ATP7B: variants seen among roughly 807,000 people sequenced by gnomAD.
The protein encoded by ATP7B is ATPase copper transporting beta.
Under a neutral mutation model 118.9 loss-of-function variants are expected in ATP7B, and 113 were observed. The ratio of observed to expected loss-of-function variants is 0.95; its 90% CI spans 0.82 to 1.11. ATP7B has a LOEUF of 1.11. Among genes scored for constraint, ATP7B ranks in the 50% most tolerant of loss-of-function variants. The pLI is 0.00. For synonymous variants in ATP7B, 777 were observed against 727.4 expected (o/e 1.07, Z -1.10); for missense variants, 1,867 against 1,871.4 (o/e 1.00, Z 0.04).
intron 9 of ATP7B, among the ~76,000 whole-genome samples, chr13:51,953,863 A>C (rs1330956724): frequency 2.0e-5 from 3 of 151,186 alleles, no homozygotes; most frequent in Non-Finnish European, 4.4e-5. Context: ...AAAAAAAAAA[A>C]AAAAACCAGA....
rs1952000210 is a variant in ATP7B, at chr13:51,974,367, C to T, written c.853G>A (p.Val285Ile). The T allele has an allele frequency of 6.2e-7, 1 of 1,613,830 alleles. No individual in the cohort carries two copies. Among genetic ancestry groups the T allele is most frequent in the African/African-American group, 1.3e-5 (1 of 74,898 alleles). ...TCCAAGGACACTTGAATACTTTGAA[C>T]CCCTAGGAGCTGGCCAATATTTTCT... ...IEENIGQLLGVQSIQVSLENK... is the reference protein window; with the variant it reads ...IEENIGQLLGIQSIQVSLENK... Residue 285 changes from valine to isoleucine, a missense_variant, in exon 2 of 21, where the codon GTT (valine) becomes ATT (isoleucine). Coordinates refer to ENST00000242839, the MANE Select transcript of ATP7B (RefSeq NM_000053.4).
At chr13:51,950,604 C>T (rs1957938142) in intron 9 of ATP7B, among the ~76,000 whole-genome samples, 3 of 152,276 alleles carry the variant, frequency 2.0e-5, no homozygotes, top group East Asian at 1.9e-4. Context: ...GTGAATGGCA[C>T]AGCAAAGGCC....
At chr13:51,988,377 G>C (rs374853564) in intron 1 of ATP7B, among the ~76,000 whole-genome samples, 6 of 152,182 alleles carry the variant, frequency 3.9e-5, no homozygotes, top group South Asian at 4.2e-4. Flanking sequence ...TGCCAGTTAG[G>C]ATGGCAATCA....
At chr13:51,982,113 T>A (rs75170539) in intron 1 of ATP7B, among the ~76,000 whole-genome samples, 9,997 of 152,152 alleles carry the variant, frequency 0.066, 367 homozygotes, top group Admixed American at 0.09. Context: ...GTCAAAAGTT[T>A]GGACACCCCT....
intron 17 of ATP7B, among the ~76,000 whole-genome samples, chr13:51,938,082 G>C (rs1043363461): frequency 6.6e-6 from 1 of 152,130 alleles, no homozygotes; most frequent in East Asian, 1.9e-4. Context: ...GTCTGCTTCC[G>C]AGGGTCCCAG....
At chr13:51,935,489 G>T (rs1354371715) in intron 20 of ATP7B, 104 bp downstream of exon 20, 2 of 1,255,318 alleles carry the variant, frequency 1.6e-6, no homozygotes, top group Non-Finnish European at 2.3e-6. Flanking sequence ...ATTTGTCCCA[G>T]GTGAATGAAT....
At chr13:51,975,420 G>C in intron 1 of ATP7B, 1 of 655,902 alleles carries the variant, frequency 1.5e-6, no homozygotes, top group Non-Finnish European at 2.9e-6. Flanking sequence ...CACAACAGAC[G>C]TGGAGGATTC....
chr13:51,973,039 A>G (rs1566590074), intron 2 of ATP7B, among the ~76,000 whole-genome samples: 1 of 152,196 alleles, frequency 6.6e-6, no homozygotes, highest in Non-Finnish European at 1.5e-5. Flanking sequence ...ATTAAAAAAT[A>G]TAAAAGCCTG....
rs775666269 is a variant in ATP7B at position 51,975,157 on chromosome 13, C to T, written c.63G>A (p.Lys21=). The T allele has an allele frequency of 6.2e-7, 1 of 1,614,054 alleles. No individual in the cohort carries two copies. Among genetic ancestry groups the T allele is most frequent in the Non-Finnish European group, 8.5e-7 (1 of 1,180,004 alleles). The change falls in exon 2 of 21, where the codon AAG becomes AAA. Residue 21 remains lysine (K), a synonymous_variant. Coordinates refer to ENST00000242839, the MANE Select transcript of ATP7B (RefSeq NM_000053.4). ...CCCAGGCACGGGTAGGCAAAGAAAGCTTAGATAAGATCTAAAAAGAAAAGA... is the reference window on the plus strand; with the variant it reads ...CCCAGGCACGGGTAGGCAAAGAAAGTTTAGATAAGATCTAAAAAGAAAAGA... ...REGASRKILS[K]LSLPTRAWEP...
intron 6 of ATP7B, among the ~76,000 whole-genome samples, chr13:51,961,483 C>A (rs776658714): frequency 7.2e-5 from 11 of 152,300 alleles, no homozygotes; most frequent in East Asian, 1.9e-4. Flanking sequence ...AATCTACACT[C>A]TCTCCCTCCC....
intron 15 of ATP7B, 102 bp downstream of exon 15, chr13:51,942,284 C>T (rs759674518): frequency 1.9e-6 from 3 of 1,565,582 alleles, no homozygotes; most frequent in South Asian, 2.2e-5. Context: ...AGCCATGAAC[C>T]GTCTGCCGCA....
At chr13:51,950,545 G>T in intron 9 of ATP7B, 146 bp from the exon 10 acceptor site, 1 of 1,285,262 alleles carries the variant, frequency 7.8e-7, no homozygotes, top group Non-Finnish European at 1.1e-6. Context: ...GATATTTATC[G>T]TGCAGCTGCT....
At position 51,974,868 on chromosome 13, in the gene ATP7B, C is replaced by A. The variant is rs769655497; in HGVS notation, c.352G>T (p.Asp118Tyr). 3 of 1,614,236 alleles carry A rather than the reference C, an allele frequency of 1.9e-6. No individual in the cohort carries two copies. In the Admixed American group the frequency reaches 5.0e-5, roughly 27 times the overall value. ...GCAATGCTGGCCTCGAAGCCCATGT[C>A]CCCAATTTGATGGCAAACCTGTTGC... The part of the protein sequence containing the change: ...CLQQVCHQIG[D>Y]MGFEASIAEG... The change falls in exon 2 of 21, where the codon GAC becomes TAC. Residue 118 changes from aspartate to tyrosine, a missense_variant. Coordinates refer to ENST00000242839, the MANE Select transcript of ATP7B (RefSeq NM_000053.4).
rs202138999 is a variant in ATP7B at position 51,978,613 on chromosome 13, CTAGT to C, written c.52-3449_52-3446del. Among the ~76,000 whole-genome samples the C allele has an allele frequency of 9.1e-3, 1,385 of 152,230 alleles. 26 individuals are homozygous for C. The highest frequency in any genetic ancestry group is 0.031 in the African/African-American group (1,292 of 41,550). ...AACATCAATGTCCATCAATAAGAGG[CTAGT>C]TAATTACTGTACAGCCATAAATGGA... On this transcript the variant is annotated intron_variant, in intron 1 of 20. Transcript: ENST00000242839.
intron 9 of ATP7B, among the ~76,000 whole-genome samples, chr13:51,952,186 C>T (rs571892873): frequency 1.3e-5 from 2 of 152,232 alleles, no homozygotes; most frequent in South Asian, 2.1e-4. Context: ...AGAGATGCTG[C>T]GGGGGGAGAG....
intron 1 of ATP7B, among the ~76,000 whole-genome samples, chr13:51,985,177 C>G (rs1171756715): frequency 1.3e-5 from 2 of 152,156 alleles, no homozygotes. Context: ...AGACCCACCT[C>G]ATGTGCAAAC....
intron 6 of ATP7B, 32 bp downstream of exon 6, chr13:51,961,805 G>A (rs758921098): frequency 2.5e-6 from 4 of 1,596,782 alleles, no homozygotes; most frequent in South Asian, 2.2e-5. Context: ...ACTTAGATGA[G>A]AGCTGGAGTT....
intron 4 of ATP7B, chr13:51,966,902 C>CA (rs1647740953): frequency 1.2e-6 from 2 of 1,612,948 alleles, no homozygotes; most frequent in Admixed American, 1.7e-5. Context: ...AACCTCACCA[C>CA]AAAAACCGAG....
chr13:51,936,749 A>C (rs574739484), intron 19 of ATP7B, among the ~76,000 whole-genome samples: 1 of 151,768 alleles, frequency 6.6e-6, no homozygotes, highest in South Asian at 2.1e-4. Context: ...TGAGTCTTGA[A>C]CCCCTGAGCT....
Sources: gnomAD v4.1 joint callset for allele counts (sites outside exome capture counted in the v4.1 genomes callset) on GRCh38, gnomAD v4.1.1 for gene constraint, MANE v1.5 for transcripts, NCBI Gene and HGNC (gene_info 2026-07-23, HGNC 2026-07-21) for gene names.